The following MYO16 variants were observed in gnomAD, a reference collection of about 807,000 sequenced individuals.
The protein encoded by MYO16 is unconventional myosin-XVI.
Under a neutral mutation model 205.3 loss-of-function variants are expected in MYO16, and 94 were observed. That is an observed-to-expected ratio of 0.46 (90% CI 0.39 to 0.54). The LOEUF (loss-of-function observed/expected upper bound fraction) is 0.54. MYO16 is among the 20% of genes least tolerant of loss of function. The probability of loss-of-function intolerance (pLI) is 0.00; values close to 1 mark genes in which losing one functional copy is unlikely to be tolerated. For missense variants in MYO16, 2,315 were observed against 2,387.5 expected (o/e 0.97, Z 0.63); for synonymous variants, 988 against 954.0 (o/e 1.04, Z -0.66).
At chr13:108,805,949 T>TAAATAAATAAAC (rs879814386) in intron 6 of MYO16, among the ~76,000 whole-genome samples, 2 of 151,002 alleles carry the variant, frequency 1.3e-5, no homozygotes, top group Non-Finnish European at 3.0e-5. Context: ...AATAAATAAA[T>TAAATAAATAAAC]AAATAAATAA....
chr13:108,906,991 A>G (rs1337903324), intron 15 of MYO16, among the ~76,000 whole-genome samples: 1 of 152,168 alleles, frequency 6.6e-6, no homozygotes, highest in Non-Finnish European at 1.5e-5. Flanking sequence ...ATATTTGGCT[A>G]TCCGAATTCG....
intron 27 of MYO16, among the ~76,000 whole-genome samples, chr13:109,065,372 T>A (rs920712862): frequency 4.6e-5 from 7 of 152,070 alleles, no homozygotes; most frequent in Non-Finnish European, 4.4e-5. Flanking sequence ...TGGGAAAGAA[T>A]AAAAACCCTT....
chr13:108,548,355 C>G, the MYO16 span, among the ~76,000 whole-genome samples: 3 of 147,020 alleles, frequency 2.0e-5, no homozygotes, highest in East Asian at 6.1e-4. Flanking sequence ...ATGACGCTGA[C>G]GATGATGATG....
intron 16 of MYO16, among the ~76,000 whole-genome samples, chr13:108,948,547 G>A (rs1883024141): frequency 6.6e-6 from 1 of 152,260 alleles, no homozygotes; most frequent in Non-Finnish European, 1.5e-5. Context: ...TGGAGACACA[G>A]TAGGTGCGGC....
At chr13:108,949,592 A>G (rs1448300943) in intron 16 of MYO16, among the ~76,000 whole-genome samples, 1 of 152,214 alleles carries the variant, frequency 6.6e-6, no homozygotes, top group Admixed American at 6.5e-5. Flanking sequence ...TAAAAATGCC[A>G]ATCATCCCTA....
intron 16 of MYO16, among the ~76,000 whole-genome samples, chr13:108,931,176 T>A (rs973641318): frequency 1.3e-5 from 2 of 152,130 alleles, no homozygotes; most frequent in African/African-American, 4.8e-5. Context: ...ATATTTAAAG[T>A]TTTTATGATG....
chr13:108,497,319 G>T, the MYO16 span, among the ~76,000 whole-genome samples: 1 of 152,172 alleles, frequency 6.6e-6, no homozygotes, highest in South Asian at 2.1e-4. Context: ...TGGATTAAGG[G>T]TGCTCTAAAA....
At chr13:109,083,789 G>A (rs1410588422) in intron 27 of MYO16, among the ~76,000 whole-genome samples, 1 of 152,138 alleles carries the variant, frequency 6.6e-6, no homozygotes, top group African/African-American at 2.4e-5. Flanking sequence ...AATCAGGACA[G>A]CATGAGAGAG....
chr13:109,205,632 G>T (rs1412537146), intron 34 of MYO16, among the ~76,000 whole-genome samples: 2 of 151,846 alleles, frequency 1.3e-5, no homozygotes, highest in African/African-American at 4.8e-5. Flanking sequence ...CAGAAAAATT[G>T]ATATCTGCAA....
intron 9 of MYO16, among the ~76,000 whole-genome samples, chr13:108,831,502 C>CA (rs1175018308): frequency 3.3e-5 from 5 of 152,090 alleles, no homozygotes; most frequent in South Asian, 2.1e-4. Flanking sequence ...ATCTTGCAAC[C>CA]AAAAAATGAA....
chr13:108,877,244 T>G (rs1374227504), intron 12 of MYO16, among the ~76,000 whole-genome samples: 1 of 152,220 alleles, frequency 6.6e-6, no homozygotes, highest in East Asian at 1.9e-4. Flanking sequence ...TGAACATGAA[T>G]CTTCAAATTT....
intron 1 of MYO16, among the ~76,000 whole-genome samples, chr13:108,652,800 T>C (rs1011822939): frequency 6.6e-6 from 1 of 152,224 alleles, no homozygotes. Context: ...CATTCATCTA[T>C]GGACATCTGC....
At chr13:108,810,555 T>G (rs532232194) in intron 7 of MYO16, among the ~76,000 whole-genome samples, 1 of 152,310 alleles carries the variant, frequency 6.6e-6, no homozygotes, top group Admixed American at 6.5e-5. Context: ...TCTAGAATTA[T>G]TCTAAAAAAT....
intron 34 of MYO16, among the ~76,000 whole-genome samples, chr13:109,180,225 T>C (rs1219407470): frequency 6.6e-6 from 1 of 152,138 alleles, no homozygotes; most frequent in Non-Finnish European, 1.5e-5. Context: ...TTCACCAAAA[T>C]AAACAAGATT....
intron 20 of MYO16, among the ~76,000 whole-genome samples, chr13:108,970,509 C>G (rs1293067882): frequency 6.6e-6 from 1 of 152,156 alleles, no homozygotes; most frequent in Non-Finnish European, 1.5e-5. Context: ...GAGTTCCCCT[C>G]CCTCTCCCAC....
At chr13:108,957,430 C>T (rs943613522) in intron 16 of MYO16, among the ~76,000 whole-genome samples, 3 of 150,938 alleles carry the variant, frequency 2.0e-5, no homozygotes, top group African/African-American at 7.3e-5. Flanking sequence ...GTGACCTTCT[C>T]CTGTCACAAG....
chr13:108,893,760 C>G (rs191746182), intron 14 of MYO16, among the ~76,000 whole-genome samples: 124 of 152,166 alleles, frequency 8.1e-4, no homozygotes, highest in African/African-American at 2.9e-3. Flanking sequence ...CAGGCGGGAT[C>G]AGGTGTGTAG....
the MYO16 span, among the ~76,000 whole-genome samples, chr13:108,511,240 T>C: frequency 1.4e-5 from 2 of 138,950 alleles, no homozygotes; most frequent in African/African-American, 2.8e-5. Context: ...ATGAGCTTTC[T>C]TCGTGTGTTT....
At position 109,127,934 on chromosome 13, in the gene MYO16, A is replaced by G. The variant is rs1327326430; in HGVS notation, c.4051+384A>G. On this transcript the variant is annotated intron_variant, in intron 31 of 34. Transcript: ENST00000457511. This position sits in a 1 kb window ranked among gnomAD's most constrained non-coding sequence, Gnocchi z 4.2. ...AATAAAAAATTAAGACTGCTTCATC[A>G]TATGATAAGTGAAATTATTTACCCA... Among the ~76,000 whole-genome samples the G allele has an allele frequency of 6.6e-6, 1 of 151,814 alleles. No homozygotes were observed. The highest frequency in any genetic ancestry group is 1.5e-5 in the Non-Finnish European group (1 of 67,928).
Sources: gnomAD v4.1 joint callset for allele counts (sites outside exome capture counted in the v4.1 genomes callset) on GRCh38, gnomAD v4.1.1 for gene constraint, Gnocchi (gnomAD v3.1) non-coding constraint, MANE v1.5 for transcripts, NCBI Gene and HGNC (gene_info 2026-07-23, HGNC 2026-07-21) for gene names.